The following NALCN variants were observed in gnomAD, a reference collection of about 807,000 sequenced individuals.
NALCN encodes sodium leak channel, non-selective.
A neutral mutation model predicts 225.3 loss-of-function variants in NALCN; 111 were observed. The ratio of observed to expected loss-of-function variants is 0.49; its 90% CI spans 0.42 to 0.58. NALCN has a LOEUF of 0.58. Among genes scored for constraint, NALCN ranks in the 20% least tolerant of loss-of-function variants. The pLI is 0.00. For synonymous variants in NALCN, 764 were observed against 769.0 expected (o/e 0.99, Z 0.11); for missense variants, 1,378 against 2,202.4 (o/e 0.63, Z 7.49).
chr13:101,104,167 G>A lies in NALCN; in HGVS notation c.2889+128C>T. On this transcript the variant is annotated intron_variant, in intron 25 of 43. Coordinates refer to ENST00000251127, the MANE Select transcript of NALCN (RefSeq NM_052867.4). This position sits in a 1 kb window ranked among gnomAD's most constrained non-coding sequence, Gnocchi z 4.2. ...TTTGCATATAATGAACTACTCTAGA[G>A]TCCATTTAAGAATTCGGTTAGGGAA... is the stretch of plus-strand genomic sequence containing the variant. 3.6e-6 allele frequency: 4 copies of A among 1,098,688 alleles called. No individual in the cohort carries two copies. Among genetic ancestry groups the A allele is most frequent in the Non-Finnish European group, 5.1e-6 (4 of 778,286 alleles). 68.1% of individuals were successfully genotyped at this position (1,098,688 alleles called of 1,614,324 possible).
At chr13:101,107,154 C>T (rs769892141) in intron 22 of NALCN, among the ~76,000 whole-genome samples, 14 of 152,186 alleles carry the variant, frequency 9.2e-5, no homozygotes, top group Non-Finnish European at 1.6e-4. Context: ...TTCCTTTCAC[C>T]ATGTCCTTTA....
intron 1 of NALCN, among the ~76,000 whole-genome samples, chr13:101,401,290 GT>G (rs368609218): frequency 1.1e-4 from 17 of 149,288 alleles, no homozygotes; most frequent in East Asian, 5.9e-4. Flanking sequence ...TATTTAAAGT[GT>G]TTTTTTTTTC....
At position 101,158,092 on chromosome 13, in the gene NALCN, C is replaced by T. The variant is rs573831898; in HGVS notation, c.1840-13196G>A. ...TCTTCTTCTTTTGGGTGTAGCTCCT[C>T]CAAAGTTGGGGTCAGAGTGGAGAGT... On this transcript the variant is annotated intron_variant, in intron 15 of 43. Transcript: ENST00000251127. Among the ~76,000 whole-genome samples the T allele has an allele frequency of 3.9e-5, 6 of 152,150 alleles. No individual in the cohort carries two copies. In the East Asian group the frequency reaches 5.8e-4, roughly 15 times the overall value.
At chr13:101,109,345 T>C (rs2035307320) in intron 20 of NALCN, among the ~76,000 whole-genome samples, 2 of 152,128 alleles carry the variant, frequency 1.3e-5, no homozygotes, top group African/African-American at 2.4e-5. Flanking sequence ...ACCATGTCTA[T>C]AGGGTATTGG....
intron 12 of NALCN, among the ~76,000 whole-genome samples, chr13:101,230,135 G>A (rs73560744): frequency 0.039 from 6,001 of 152,188 alleles, 382 homozygotes; most frequent in African/African-American, 0.14. Flanking sequence ...TTAGACTTGG[G>A]TCCCATTCCC....
intron 7 of NALCN, among the ~76,000 whole-genome samples, chr13:101,341,427 T>C (rs2045556204): frequency 6.6e-6 from 1 of 152,192 alleles, no homozygotes; most frequent in South Asian, 2.1e-4. Flanking sequence ...GACCTTATTT[T>C]TTCTGGATGC....
chr13:101,314,916 C>T (rs951450609), intron 7 of NALCN, among the ~76,000 whole-genome samples: 2 of 152,024 alleles, frequency 1.3e-5, no homozygotes, highest in Admixed American at 1.3e-4. Flanking sequence ...TTAGTTGGTT[C>T]CCACTGGCGG....
intron 15 of NALCN, among the ~76,000 whole-genome samples, chr13:101,160,322 G>T (rs896959155): frequency 2.6e-5 from 4 of 152,068 alleles, no homozygotes; most frequent in Non-Finnish European, 5.9e-5. Flanking sequence ...TTTTCGCTTT[G>T]TCTGTGTCTC....
intron 14 of NALCN, among the ~76,000 whole-genome samples, chr13:101,179,905 T>C (rs950129853): frequency 1.3e-5 from 2 of 152,160 alleles, no homozygotes; most frequent in African/African-American, 4.8e-5. Flanking sequence ...CAGCTGCTGG[T>C]GGCCTCCTCT....
chr13:101,147,620 CCTCAAACTCCTGGG>C lies in NALCN; in HGVS notation c.1840-2738_1840-2725del, dbSNP rs997630680. Among the ~76,000 whole-genome samples the C allele has an allele frequency of 3.9e-5, 6 of 152,152 alleles. No individual in the cohort carries two copies. The East Asian group carries it at 1.2e-3, about 29-fold the overall frequency. The stretch of plus-strand genomic sequence containing the variant: ...GATCTTGCAATGTTGCCCAGGCTGG[CCTCAAACTCCTGGG>C]CTCAAGGGATCCTCTTGCCTCAGCC... On this transcript the variant is annotated intron_variant, in intron 15 of 43. Transcript: ENST00000251127.
intron 27 of NALCN, among the ~76,000 whole-genome samples, chr13:101,097,398 G>A (rs1166554439): frequency 1.3e-5 from 2 of 152,082 alleles, no homozygotes; most frequent in East Asian, 1.9e-4. Flanking sequence ...ATTTGGAAAG[G>A]CTGTGTTGTA....
chr13:101,270,827 G>A lies in NALCN; in HGVS notation c.1135-12253C>T, dbSNP rs537800667. The stretch of plus-strand genomic sequence containing the variant: ...CTGGGTTTAAGTCTTAAAGAAGGCT[G>A]TGTATTTAACCTGGAGATCAAGACT... On this transcript the variant is annotated intron_variant, in intron 10 of 43. Transcript: ENST00000251127. Among the ~76,000 whole-genome samples the A allele has an allele frequency of 2.0e-5, 3 of 152,330 alleles. No homozygotes were observed. The East Asian group carries it at 5.8e-4, about 29-fold the overall frequency.
intron 3 of NALCN, among the ~76,000 whole-genome samples, chr13:101,394,641 T>C (rs2047232228): frequency 6.6e-6 from 1 of 152,230 alleles, no homozygotes; most frequent in Admixed American, 6.5e-5. Flanking sequence ...TTTATATCTA[T>C]TTTGTTTCCA....
At chr13:101,137,361 T>C (rs2036851539) in intron 17 of NALCN, among the ~76,000 whole-genome samples, 1 of 151,488 alleles carries the variant, frequency 6.6e-6, no homozygotes, top group African/African-American at 2.4e-5. Context: ...TGTTCGTTCG[T>C]TCATTTGTTC....
chr13:101,106,684 T>A lies in NALCN; in HGVS notation c.2579+803A>T, dbSNP rs571233396. ...TAAGTCTCATGAGATCTGATGATTT[T>A]ATGAGGGGTTTCTGCTTTCACTTCC... On this transcript the variant is annotated intron_variant, in intron 22 of 43. Transcript: ENST00000251127. Among the ~76,000 whole-genome samples, 48 of 152,312 alleles carry A rather than the reference T, an allele frequency of 3.2e-4. 1 individual carries two copies. The South Asian group carries it at 9.7e-3, about 31-fold the overall frequency.
intron 15 of NALCN, among the ~76,000 whole-genome samples, chr13:101,171,206 T>C (rs1277272947): frequency 6.6e-6 from 1 of 150,478 alleles, no homozygotes; most frequent in African/African-American, 2.4e-5. Context: ...ATACTAAATA[T>C]AAAAAATATA....
At chr13:101,073,984 C>T (rs1298891788) in intron 36 of NALCN, among the ~76,000 whole-genome samples, 5 of 151,964 alleles carry the variant, frequency 3.3e-5, no homozygotes, top group African/African-American at 1.2e-4. Flanking sequence ...GGTGGGGCAG[C>T]CATGTATCTA....
At chr13:101,341,721 G>T (rs2045564488) in intron 7 of NALCN, among the ~76,000 whole-genome samples, 1 of 152,066 alleles carries the variant, frequency 6.6e-6, no homozygotes, top group African/African-American at 2.4e-5. Flanking sequence ...GTTTCACTTT[G>T]GGGAGGAACA....
In NALCN at chr13:101,111,114, C is replaced by G. The variant is rs1240697256; in HGVS notation, c.2294+11G>C. Reference sequence around the variant, plus strand: ...TAGAGTCTCTGAAGCCCTGTCTTCCCAAGTATTTACCTGCGCTCTTGGCGG... The same window carrying G: ...TAGAGTCTCTGAAGCCCTGTCTTCCGAAGTATTTACCTGCGCTCTTGGCGG... On this transcript the variant is annotated intron_variant, in intron 19 of 43. Coordinates refer to ENST00000251127, the MANE Select transcript of NALCN (RefSeq NM_052867.4). 6.3e-7 allele frequency: 1 copy of G among 1,597,388 alleles called. No homozygotes were observed. The highest frequency in any genetic ancestry group is 1.7e-5 in the Admixed American group (1 of 59,792).
Sources: allele counts gnomAD v4.1 joint callset (sites outside exome capture counted in the v4.1 genomes callset), GRCh38; gene constraint gnomAD v4.1.1; non-coding constraint Gnocchi (gnomAD v3.1); transcripts MANE v1.5; gene names NCBI Gene and HGNC (gene_info 2026-07-23, HGNC 2026-07-21).